Variants in SLCO6A1 observed in about 807,000 individuals in gnomAD.
SLCO6A1 encodes solute carrier organic anion transporter family member 6A1.
SLCO6A1 carries 65 observed loss-of-function variants against 72.7 expected under a neutral mutation model. The ratio of observed to expected loss-of-function variants is 0.89; its 90% CI spans 0.73 to 1.10. The LOEUF (loss-of-function observed/expected upper bound fraction) is 1.10, where lower values mean the gene tolerates loss of function less well. Among genes scored for constraint, SLCO6A1 ranks in the 50% least tolerant of loss-of-function variants. SLCO6A1 has a pLI of 0.00. For missense variants in SLCO6A1, 874 were observed against 872.6 expected (o/e 1.00, Z -0.02); for synonymous variants, 314 against 298.2 (o/e 1.05, Z -0.55).
intron 6 of SLCO6A1, among the ~76,000 whole-genome samples, chr5:102,450,927 C>T (rs533680967): frequency 2.5e-4 from 38 of 152,246 alleles, no homozygotes; most frequent in Admixed American, 5.9e-4. Flanking sequence ...GGATAGTAAC[C>T]GTGGTACCAC....
rs145163649 is a variant in SLCO6A1, at chr5:102,446,011, C to A, written c.1132-7250G>T. Among the ~76,000 whole-genome samples the A allele has an allele frequency of 2.1e-3, 317 of 152,166 alleles. 3 individuals are homozygous for A. Among genetic ancestry groups the A allele is most frequent in the African/African-American group, 7.2e-3 (301 of 41,540 alleles). ...TGGGTAGTGGCATCCTCCAGCTTTG[C>A]TCTTTTTGCTTAGGATTGCTTTGGC... On this transcript the variant is annotated intron_variant, in intron 6 of 13. Coordinates refer to ENST00000506729, the MANE Select transcript of SLCO6A1 (RefSeq NM_173488.5).
intron 1 of SLCO6A1, among the ~76,000 whole-genome samples, chr5:102,497,256 G>A (rs1321266922): frequency 6.6e-6 from 1 of 152,134 alleles, no homozygotes; most frequent in Non-Finnish European, 1.5e-5. Flanking sequence ...ACAACCTCAA[G>A]TTTAGATTCT....
intron 11 of SLCO6A1, 86 bp downstream of exon 11, chr5:102,390,895 T>G: frequency 1.8e-6 from 2 of 1,122,584 alleles, no homozygotes; most frequent in Non-Finnish European, 2.6e-6. Flanking sequence ...TTACTATTAT[T>G]TATTTGTAAT....
intron 6 of SLCO6A1, among the ~76,000 whole-genome samples, chr5:102,442,832 G>A (rs1057074080): frequency 6.6e-6 from 1 of 152,158 alleles, no homozygotes; most frequent in Non-Finnish European, 1.5e-5. Context: ...GGGAGGCCGA[G>A]GTGGGCGGCT....
intron 6 of SLCO6A1, among the ~76,000 whole-genome samples, chr5:102,447,710 A>G (rs1750192484): frequency 6.6e-6 from 1 of 152,110 alleles, no homozygotes; most frequent in South Asian, 2.1e-4. Context: ...CTGTGAGGTT[A>G]GTGGTAATTT....
intron 6 of SLCO6A1, among the ~76,000 whole-genome samples, chr5:102,455,946 A>G (rs566724784): frequency 6.6e-6 from 1 of 152,160 alleles, no homozygotes; most frequent in African/African-American, 2.4e-5. Context: ...CAAGGCTGGT[A>G]CAACATATGC....
chr5:102,472,233 T>C (rs1249261135), intron 4 of SLCO6A1, among the ~76,000 whole-genome samples: 1 of 152,144 alleles, frequency 6.6e-6, no homozygotes, highest in East Asian at 1.9e-4. Flanking sequence ...GCTTATTCCC[T>C]GAAAACTTAT....
chr5:102,485,273 TAAATAAATAAATAAATAAATA>T (rs1752395658), intron 1 of SLCO6A1, among the ~76,000 whole-genome samples: 3 of 124,474 alleles, frequency 2.4e-5, no homozygotes, highest in African/African-American at 3.3e-5. Context: ...AATAAATAAA[TAAATAAATAAATAAATAAATA>T]AAATAAAATA....
At chr5:102,388,363 T>G (rs1181717868) in intron 12 of SLCO6A1, among the ~76,000 whole-genome samples, 3 of 152,118 alleles carry the variant, frequency 2.0e-5, no homozygotes, top group Non-Finnish European at 4.4e-5. Context: ...TTTTCTTTTG[T>G]TTTTGAAAGA....
chr5:102,449,482 G>A (rs1750296679), intron 6 of SLCO6A1, among the ~76,000 whole-genome samples: 1 of 151,868 alleles, frequency 6.6e-6, no homozygotes. Flanking sequence ...TGCCTCCCAG[G>A]TTCATGCCAT....
intron 7 of SLCO6A1, 90 bp downstream of exon 7, chr5:102,438,523 ATTCT>A: frequency 9.7e-7 from 1 of 1,027,456 alleles, no homozygotes; most frequent in Non-Finnish European, 1.4e-6. Flanking sequence ...TAGGTATATA[ATTCT>A]TTATATTTTT....
rs537505522 is a variant in SLCO6A1, at chr5:102,459,010, T to C, written c.1022-519A>G. 4.1e-3 allele frequency among the ~76,000 whole-genome samples: 629 copies of C among 152,274 alleles called. 10 individuals carry two copies. Among genetic ancestry groups the C allele is most frequent in the African/African-American group, 0.015 (604 of 41,562 alleles). ...CTAAGGTAGTCAATACATTAAATGC[T>C]AGGTAAGTAGATTTAAATATGCTTG... On this transcript the variant is annotated intron_variant, in intron 5 of 13. Transcript: ENST00000506729.
At chr5:102,412,680 G>C (rs961291726) in intron 9 of SLCO6A1, among the ~76,000 whole-genome samples, 4 of 151,886 alleles carry the variant, frequency 2.6e-5, no homozygotes, top group African/African-American at 9.7e-5. Context: ...AGGATGGCTT[G>C]AGCCCAAGAG....
At chr5:102,436,615 T>C (rs1348673335) in intron 7 of SLCO6A1, among the ~76,000 whole-genome samples, 3 of 152,206 alleles carry the variant, frequency 2.0e-5, no homozygotes, top group Non-Finnish European at 4.4e-5. Flanking sequence ...ACTCTCTTCT[T>C]TGAGCTGCTA....
intron 12 of SLCO6A1, among the ~76,000 whole-genome samples, chr5:102,375,442 G>A (rs1413225521): frequency 6.6e-6 from 1 of 152,056 alleles, no homozygotes; most frequent in African/African-American, 2.4e-5. Context: ...TGTTTCTGAA[G>A]GCACATATTT....
intron 6 of SLCO6A1, among the ~76,000 whole-genome samples, chr5:102,447,047 C>T (rs982711111): frequency 2.6e-5 from 4 of 152,160 alleles, no homozygotes; most frequent in South Asian, 2.1e-4. Flanking sequence ...CCACCACGCC[C>T]GGCCCTGTTC....
intron 7 of SLCO6A1, among the ~76,000 whole-genome samples, chr5:102,434,893 G>A (rs951263325): frequency 5.3e-5 from 8 of 152,136 alleles, no homozygotes; most frequent in African/African-American, 1.9e-4. Context: ...CAATTACCCT[G>A]AGTGTAAAAA....
At chr5:102,379,518 T>C (rs1030537309) in intron 12 of SLCO6A1, among the ~76,000 whole-genome samples, 2 of 152,188 alleles carry the variant, frequency 1.3e-5, no homozygotes, top group African/African-American at 4.8e-5. Context: ...TTTTGTTTGT[T>C]TAACCATTGC....
intron 6 of SLCO6A1, among the ~76,000 whole-genome samples, chr5:102,447,227 G>C (rs756531686): frequency 6.6e-6 from 1 of 152,156 alleles, no homozygotes; most frequent in Non-Finnish European, 1.5e-5. Context: ...ACTCAATTGT[G>C]GTGGTTTAGT....
Sources: gnomAD v4.1 joint callset for allele counts (sites outside exome capture counted in the v4.1 genomes callset) on GRCh38, gnomAD v4.1.1 for gene constraint, MANE v1.5 for transcripts, NCBI Gene and HGNC (gene_info 2026-07-23, HGNC 2026-07-21) for gene names.